Variants in GRM7 observed in about 807,000 individuals in gnomAD.
GRM7 encodes the protein metabotropic glutamate receptor 7.
In GRM7, 35 loss-of-function variants were observed where a neutral mutation model predicts 84.5. The ratio of observed to expected loss-of-function variants is 0.41; its 90% CI spans 0.32 to 0.55. The LOEUF (loss-of-function observed/expected upper bound fraction) is 0.55. Ranked by LOEUF, GRM7 falls within the 20% of genes least tolerant of loss-of-function variation. The pLI is 0.19. For missense variants in GRM7, 1,003 were observed against 1,194.6 expected, an observed-to-expected ratio of 0.84 and a Z score of 2.36; for synonymous variants, 487 against 455.1, an observed-to-expected ratio of 1.07 and a Z score of -0.89.
intron 2 of GRM7, among the ~76,000 whole-genome samples, chr3:7,235,973 C>T (rs1697334583): frequency 1.3e-5 from 2 of 152,130 alleles, no homozygotes; most frequent in Non-Finnish European, 2.9e-5. Context: ...TCTCACAGTT[C>T]TGGAGGCTGG....
chr3:7,020,058 A>G (rs1695720921), intron 1 of GRM7, among the ~76,000 whole-genome samples: 1 of 152,186 alleles, frequency 6.6e-6, no homozygotes, highest in Non-Finnish European at 1.5e-5. Context: ...CATATTGGCC[A>G]GGATGGTCTT....
At chr3:6,867,242 T>C (rs1694966135) in intron 1 of GRM7, among the ~76,000 whole-genome samples, 1 of 152,230 alleles carries the variant, frequency 6.6e-6, no homozygotes. Flanking sequence ...GTTCACTAAC[T>C]GGCATTCATT....
chr3:7,213,161 C>G (rs1696486614), intron 2 of GRM7, among the ~76,000 whole-genome samples: 1 of 152,152 alleles, frequency 6.6e-6, no homozygotes, highest in South Asian at 2.1e-4. Context: ...ACTTTAGATA[C>G]CAACTTAACC....
chr3:6,994,438 T>C lies in GRM7; in HGVS notation c.519+132531T>C, dbSNP rs1290195132. ...TTTTCATGTTAATGAAACATAGTCT[T>C]AGTTGCCCTTAATAAACTGTAGTAA... is the stretch of plus-strand genomic sequence containing the variant. On this transcript the variant is annotated intron_variant, in intron 1 of 9. Coordinates refer to ENST00000357716, the MANE Select transcript of GRM7 (RefSeq NM_000844.4). Among the ~76,000 whole-genome samples the C allele has an allele frequency of 3.3e-5, 5 of 152,348 alleles. No individual in the cohort carries two copies. The South Asian group carries it at 1.0e-3, about 32-fold the overall frequency.
intron 9 of GRM7, among the ~76,000 whole-genome samples, chr3:7,733,520 G>C (rs1292652061): frequency 6.6e-6 from 1 of 152,142 alleles, no homozygotes; most frequent in Admixed American, 6.5e-5. Context: ...AACACTTGTG[G>C]GGTGGGTCAG....
chr3:7,474,473 G>GT (rs1698839423), intron 7 of GRM7, among the ~76,000 whole-genome samples: 2 of 150,148 alleles, frequency 1.3e-5, no homozygotes, highest in African/African-American at 4.9e-5. Context: ...ATTGAGAGTA[G>GT]TAACCCCCCA....
intron 8 of GRM7, among the ~76,000 whole-genome samples, chr3:7,592,092 G>A (rs527399690): frequency 6.6e-6 from 1 of 152,070 alleles, no homozygotes; most frequent in Non-Finnish European, 1.5e-5. Flanking sequence ...ATGAAAATAT[G>A]CATATATATA....
intron 1 of GRM7, among the ~76,000 whole-genome samples, chr3:7,033,338 G>A (rs1304733625): frequency 2.0e-5 from 3 of 151,900 alleles, no homozygotes; most frequent in African/African-American, 4.8e-5. Context: ...ACATGAATTC[G>A]GGATTATGCT....
At chr3:6,875,467 A>ACAAGCTCTCTTGCCTGCTGTCATGTAAGG in intron 1 of GRM7, among the ~76,000 whole-genome samples, 1 of 152,234 alleles carries the variant, frequency 6.6e-6, no homozygotes, top group East Asian at 1.9e-4. Context: ...GTTCCCCTGC[A>ACAAGCTCTCTTGCCTGCTGTCATGTAAGG]CAAGCTCTCT....
Position 7,568,640 on chromosome 3 carries a change from G to A in GRM7, c.1516-9782G>A, listed in dbSNP as rs550991652. On this transcript the variant is annotated intron_variant, in intron 7 of 9. Coordinates refer to ENST00000357716, the MANE Select transcript of GRM7 (RefSeq NM_000844.4). ...AACCGGGGCTGCCCCCGGCGCTTGC[G>A]GGCCAGCTGGAGTTTTGGTGGGTGT... 4.6e-3 allele frequency among the ~76,000 whole-genome samples: 702 copies of A among 152,320 alleles called. 7 individuals are homozygous for A. The highest frequency in any genetic ancestry group is 0.016 in the African/African-American group (661 of 41,586).
chr3:6,912,242 A>G (rs920808441), intron 1 of GRM7, among the ~76,000 whole-genome samples: 6 of 152,160 alleles, frequency 3.9e-5, no homozygotes, highest in Non-Finnish European at 8.8e-5. Flanking sequence ...AAAATTAAAT[A>G]TGTTTCTTCA....
intron 2 of GRM7, among the ~76,000 whole-genome samples, chr3:7,266,475 CTGTT>C (rs1171112386): frequency 6.6e-6 from 1 of 152,148 alleles, no homozygotes; most frequent in Non-Finnish European, 1.5e-5. Context: ...TCAGAAAGAA[CTGTT>C]TGTGTGTGAC....
At chr3:6,927,244 A>G (rs894105414) in intron 1 of GRM7, among the ~76,000 whole-genome samples, 1 of 152,218 alleles carries the variant, frequency 6.6e-6, no homozygotes, top group Non-Finnish European at 1.5e-5. Context: ...CCTGGCCAAC[A>G]TGGTGAAACC....
intron 7 of GRM7, among the ~76,000 whole-genome samples, chr3:7,540,077 A>G (rs1164206123): frequency 6.6e-6 from 1 of 152,244 alleles, no homozygotes; most frequent in East Asian, 1.9e-4. Flanking sequence ...AAGACAGACT[A>G]TAACAAGTAT....
intron 7 of GRM7, among the ~76,000 whole-genome samples, chr3:7,478,904 C>T (rs993234382): frequency 2.6e-5 from 4 of 152,006 alleles, no homozygotes; most frequent in African/African-American, 7.3e-5. Flanking sequence ...TTAATTGGTC[C>T]CTATGCAGTG....
intron 8 of GRM7, among the ~76,000 whole-genome samples, chr3:7,672,937 T>G (rs1433250217): frequency 6.6e-6 from 1 of 152,182 alleles, no homozygotes; most frequent in Non-Finnish European, 1.5e-5. Context: ...CTAAACGAGA[T>G]GTTCCCCCTA....
intron 9 of GRM7, among the ~76,000 whole-genome samples, chr3:7,718,203 T>C (rs912327115): frequency 3.9e-5 from 6 of 152,332 alleles, no homozygotes; most frequent in African/African-American, 7.2e-5. Context: ...CTTAGTACCA[T>C]GTCTGAGCAT....
At chr3:7,414,630 A>T (rs1300681742) in intron 4 of GRM7, among the ~76,000 whole-genome samples, 1 of 152,120 alleles carries the variant, frequency 6.6e-6, no homozygotes, top group South Asian at 2.1e-4. Flanking sequence ...TTCTAATTTG[A>T]CTAGAAAGTC....
intron 8 of GRM7, among the ~76,000 whole-genome samples, chr3:7,635,489 CTTGT>C (rs1698052975): frequency 6.6e-6 from 1 of 152,106 alleles, no homozygotes; most frequent in South Asian, 2.1e-4. Context: ...TGCCACTTTG[CTTGT>C]TTAAGATGAA....
Sources: allele counts gnomAD v4.1 joint callset (sites outside exome capture counted in the v4.1 genomes callset), GRCh38; gene constraint gnomAD v4.1.1; transcripts MANE v1.5; gene names NCBI Gene and HGNC (gene_info 2026-07-23, HGNC 2026-07-21).